The following TPST2 variants were observed in gnomAD, a reference collection of about 807,000 sequenced individuals.
The protein encoded by TPST2 is protein-tyrosine sulfotransferase 2.
A neutral mutation model predicts 27.8 loss-of-function variants in TPST2; 16 were observed. The observed-to-expected ratio is 0.58, with a 90% CI of 0.39 to 0.88. TPST2 has a LOEUF of 0.88. Ranked by LOEUF, TPST2 falls within the 40% of genes least tolerant of loss-of-function variation. The pLI is 0.00. For synonymous variants in TPST2, 229 were observed against 231.7 expected, an observed-to-expected ratio of 0.99 and a Z score of 0.10; for missense variants, 464 against 543.1, an observed-to-expected ratio of 0.85 and a Z score of 1.45.
intron 2 of TPST2, among the ~76,000 whole-genome samples, chr22:26,542,500 A>C (rs1049534199): frequency 6.6e-6 from 1 of 152,218 alleles, no homozygotes; most frequent in Non-Finnish European, 1.5e-5. Flanking sequence ...GATTTCTATC[A>C]TAATCATTGG....
intron 1 of TPST2, among the ~76,000 whole-genome samples, chr22:26,570,045 CAGAAAGAAAGAAAGAAAGAAGGAA>C (rs1927565746): frequency 1.0e-5 from 1 of 96,898 alleles, no homozygotes; most frequent in Non-Finnish European, 2.2e-5. Context: ...GAAAGAAAGA[CAGAAAGAAAGAAAGAAAGAAGGAA>C]AGAAAGAAAG....
At chr22:26,567,664 A>G (rs930330672) in intron 1 of TPST2, among the ~76,000 whole-genome samples, 1 of 152,230 alleles carries the variant, frequency 6.6e-6, no homozygotes, top group African/African-American at 2.4e-5. Flanking sequence ...TTTATAATAC[A>G]TCTCAAACAA....
chr22:26,548,278 A>G (rs1602270086), intron 1 of TPST2, among the ~76,000 whole-genome samples: 2 of 145,854 alleles, frequency 1.4e-5, no homozygotes, highest in East Asian at 4.4e-4. Context: ...GGAGTTCAAG[A>G]CCAGCCTGGG....
intron 1 of TPST2, among the ~76,000 whole-genome samples, chr22:26,553,013 T>C (rs1019545732): frequency 5.6e-5 from 8 of 143,364 alleles, no homozygotes; most frequent in Admixed American, 5.3e-4. Context: ...TGAGCTGAGA[T>C]TGTGCCATTG....
rs1461583713 is a variant in TPST2 at position 26,524,787 on chromosome 22, G to A, written c.*1488C>T. 6.6e-6 allele frequency: 1 copy of A among 152,194 alleles called. No homozygotes were observed. The allele number at this position is 152,194 out of a possible 1,614,324, so 9.4% of individuals were successfully genotyped here. On this transcript the variant is annotated 3_prime_UTR_variant, in exon 7 of 7. Transcript: ENST00000338754. ...CTGTGCTATAAGGGTTAACTCAGCA[G>A]GCTTGAAGTGTCCAAACCCAGCACA...
At chr22:26,562,031 G>A (rs1430111724) in intron 1 of TPST2, among the ~76,000 whole-genome samples, 2 of 152,310 alleles carry the variant, frequency 1.3e-5, no homozygotes, top group South Asian at 2.1e-4. Context: ...GGTGCCAGCC[G>A]GGCTGGTGAA....
intron 1 of TPST2, among the ~76,000 whole-genome samples, chr22:26,588,896 G>A (rs1928444672): frequency 6.6e-6 from 1 of 152,166 alleles, no homozygotes; most frequent in South Asian, 2.1e-4. Flanking sequence ...AGCCCAGTCT[G>A]GCAGACAGAC....
At chr22:26,574,559 G>A (rs1017884653) in intron 1 of TPST2, among the ~76,000 whole-genome samples, 18 of 152,174 alleles carry the variant, frequency 1.2e-4, no homozygotes, top group African/African-American at 7.2e-5. Context: ...GCCCAGGAAC[G>A]AGCAAGCCAT....
rs1034165095 is a variant in TPST2, at chr22:26,524,061, A to G, written c.*2214T>C. ...AAAGGGACAGTGTCACACTTAACAG[A>G]GCAAGGAGAGTAATCGGTGATTGGT... On this transcript the variant is annotated 3_prime_UTR_variant, in exon 7 of 7. Transcript: ENST00000338754. The G allele has an allele frequency of 2.0e-5, 3 of 152,154 alleles. No individual in the cohort carries two copies. The highest frequency in any genetic ancestry group is 7.2e-5 in the African/African-American group (3 of 41,414). 9.4% of individuals were successfully genotyped at this position (152,154 alleles called of 1,614,324 possible). A position where few individuals can be genotyped will look rare whatever the true frequency, so the allele number is the denominator to read the frequency against.
chr22:26,543,639 C>T (rs536026277), intron 2 of TPST2, among the ~76,000 whole-genome samples: 18 of 152,228 alleles, frequency 1.2e-4, no homozygotes, highest in Admixed American at 3.9e-4. Flanking sequence ...CAAAGGTGTT[C>T]GAAATTATGG....
chr22:26,565,039 A>G (rs1190386444), intron 1 of TPST2, among the ~76,000 whole-genome samples: 1 of 152,128 alleles, frequency 6.6e-6, no homozygotes, highest in Non-Finnish European at 1.5e-5. Context: ...GCCACCTCCA[A>G]AACACCCAGC....
chr22:26,527,650 G>C (rs1474926292), intron 6 of TPST2, among the ~76,000 whole-genome samples: 1 of 152,242 alleles, frequency 6.6e-6, no homozygotes, highest in Non-Finnish European at 1.5e-5. Context: ...CCTTGGGCAA[G>C]TCAAAGCCCT....
intron 1 of TPST2, among the ~76,000 whole-genome samples, chr22:26,545,388 C>A (rs528168756): frequency 6.6e-6 from 1 of 152,176 alleles, no homozygotes; most frequent in Non-Finnish European, 1.5e-5. Context: ...GTTACAGGAA[C>A]GAGGCTGTGT....
intron 5 of TPST2, among the ~76,000 whole-genome samples, chr22:26,531,791 G>A (rs1300004535): frequency 2.0e-5 from 3 of 152,120 alleles, no homozygotes; most frequent in Non-Finnish European, 4.4e-5. Flanking sequence ...GGGTGCGCAG[G>A]CTATCCACAC....
intron 5 of TPST2, among the ~76,000 whole-genome samples, chr22:26,529,842 G>C (rs1400815607): frequency 1.3e-5 from 2 of 152,004 alleles, no homozygotes; most frequent in Non-Finnish European, 2.9e-5. Context: ...TAGGGAGATG[G>C]GGTCTCACTG....
At chr22:26,574,750 C>T (rs913073011) in intron 1 of TPST2, among the ~76,000 whole-genome samples, 9 of 152,178 alleles carry the variant, frequency 5.9e-5, no homozygotes, top group Non-Finnish European at 1.3e-4. Flanking sequence ...TCACCAGCAT[C>T]CTCACCACCC....
chr22:26,541,672 T>A lies in TPST2; in HGVS notation c.-42A>T. On this transcript the variant is annotated 5_prime_UTR_variant, in exon 3 of 7. Coordinates refer to ENST00000338754, the MANE Select transcript of TPST2 (RefSeq NM_003595.5). The surrounding 1 kb of genome is among the most constrained non-coding windows in gnomAD (Gnocchi z 5.9). ...GGTAGGCCTGGCCTGAGGGCCCGCTTCTGGGGCTTCAGCGACAGGTTAGCG... is the reference window on the plus strand; with the variant it reads ...GGTAGGCCTGGCCTGAGGGCCCGCTACTGGGGCTTCAGCGACAGGTTAGCG... 2 of 1,512,090 alleles carry A rather than the reference T, an allele frequency of 1.3e-6. No individual in the cohort carries two copies. The highest frequency in any genetic ancestry group is 1.8e-6 in the Non-Finnish European group (2 of 1,137,314). The allele number at this position is 1,512,090 out of a possible 1,614,324, so 93.7% of individuals were successfully genotyped here.
At chr22:26,529,682 C>A (rs1288240166) in intron 5 of TPST2, among the ~76,000 whole-genome samples, 1 of 152,200 alleles carries the variant, frequency 6.6e-6, no homozygotes, top group Admixed American at 6.5e-5. Context: ...ACCCATCCCC[C>A]ATACCTCACC....
chr22:26,588,813 A>G (rs1928440676), intron 1 of TPST2, among the ~76,000 whole-genome samples: 1 of 152,046 alleles, frequency 6.6e-6, no homozygotes, highest in Non-Finnish European at 1.5e-5. Flanking sequence ...CCAGAAGCCT[A>G]CCCTCGCCAG....
Sources: gnomAD v4.1 joint callset for allele counts (sites outside exome capture counted in the v4.1 genomes callset) on GRCh38, gnomAD v4.1.1 for gene constraint, Gnocchi (gnomAD v3.1) non-coding constraint, MANE v1.5 for transcripts, NCBI Gene and HGNC (gene_info 2026-07-23, HGNC 2026-07-21) for gene names.